COL4A1: variants seen among roughly 807,000 people sequenced by gnomAD.
The protein encoded by COL4A1 is collagen alpha-1(IV) chain.
Under a neutral mutation model 216.6 loss-of-function variants are expected in COL4A1, and 40 were observed. That is an observed-to-expected ratio of 0.18 (90% CI 0.14 to 0.24). COL4A1 has a LOEUF of 0.24. COL4A1 is among the 10% of genes least tolerant of loss of function. The pLI is 1.00. For missense variants in COL4A1, 1,628 were observed against 2,196.8 expected (o/e 0.74, Z 5.18); for synonymous variants, 839 against 810.7 (o/e 1.03, Z -0.59).
At position 110,222,771 on chromosome 13, in the gene COL4A1, T is replaced by TAAAAAAAAAAAAAAAAAA. The variant is rs751501177; in HGVS notation, c.145-8757_145-8756insTTTTTTTTTTTTTTTTTT. Among the ~76,000 whole-genome samples, 22 of 93,412 alleles carry TAAAAAAAAAAAAAAAAAA rather than the reference T, an allele frequency of 2.4e-4. 4 individuals carry two copies. The highest frequency in any genetic ancestry group is 1.0e-3 in the East Asian group (3 of 2,940). 61.3% of individuals were successfully genotyped at this position (93,412 alleles called of 152,430 possible). ...CTGGGCGACAGAGCCAGACTCTGCTTTAAAAAAAAAAAAAAAAAAAAAAAA... is the reference window on the plus strand; with the variant it reads ...CTGGGCGACAGAGCCAGACTCTGCTTAAAAAAAAAAAAAAAAAATAAAAAAAAAAAAAAAAAAAAAAAA... On this transcript the variant is annotated intron_variant, in intron 2 of 51. Transcript: ENST00000375820.
intron 40 of COL4A1, 56 bp from the exon 41 acceptor site, chr13:110,172,826 G>C (rs773348176): frequency 4.5e-5 from 64 of 1,430,986 alleles, no homozygotes; most frequent in Non-Finnish European, 6.0e-5. Flanking sequence ...TCCATCTGCA[G>C]GTACAACACA....
rs779637271 is a variant in COL4A1, at chr13:110,170,685, T to G, written c.3604A>C (p.Ile1202Leu). The G allele has an allele frequency of 6.2e-7, 1 of 1,614,202 alleles. No homozygotes were observed. Among genetic ancestry groups the G allele is most frequent in the Non-Finnish European group, 8.5e-7 (1 of 1,180,032 alleles). The change falls in exon 42 of 52, where the codon ATT becomes CTT. Residue 1202 changes from isoleucine to leucine, a missense_variant. Coordinates refer to ENST00000375820, the MANE Select transcript of COL4A1 (RefSeq NM_001845.6). ...CCTTGCTCTCCTTTGGATCCAGGAA[T>G]TCCTGGGCTCCCGGCTAATCCTGGG... Reference protein sequence around the residue: ...GFPGLAGSPGIPGSKGEQGFM... With the variant: ...GFPGLAGSPGLPGSKGEQGFM...
At position 110,150,115 on chromosome 13, in the gene COL4A1, T is replaced by C. The variant is rs575054149; in HGVS notation, c.*248A>G. 4 of 537,606 alleles carry C rather than the reference T, an allele frequency of 7.4e-6. No homozygotes were observed. Among genetic ancestry groups the C allele is most frequent in the East Asian group, 6.8e-5 (2 of 29,576 alleles). The allele number at this position is 537,606 out of a possible 1,614,324, so 33.3% of individuals were successfully genotyped here. ...TCAGTGCATTGGATTGCAGAAAATA[T>C]TGATATTTTATTTCATCAAAAGTGC... On this transcript the variant is annotated 3_prime_UTR_variant, in exon 52 of 52. Transcript: ENST00000375820.
intron 41 of COL4A1, among the ~76,000 whole-genome samples, chr13:110,172,511 G>A: frequency 6.6e-6 from 1 of 152,226 alleles, no homozygotes; most frequent in East Asian, 1.9e-4. Context: ...TTCTGATCAT[G>A]AGTGTACTGC....
chr13:110,177,322 A>G (rs1877932956), intron 33 of COL4A1, among the ~76,000 whole-genome samples: 1 of 152,210 alleles, frequency 6.6e-6, no homozygotes, highest in South Asian at 2.1e-4. Flanking sequence ...TCCTTCCTAC[A>G]TATCTTTATC....
intron 26 of COL4A1, 69 bp from the exon 27 acceptor site, chr13:110,183,345 G>T (rs998700956): frequency 6.9e-7 from 1 of 1,456,486 alleles, no homozygotes; most frequent in Non-Finnish European, 9.5e-7. Context: ...GGGAGGACAC[G>T]CAGTGGGTGG....
At chr13:110,181,475 G>T in intron 28 of COL4A1, 86 bp from the exon 29 acceptor site, 1 of 1,293,320 alleles carries the variant, frequency 7.7e-7, no homozygotes, top group Non-Finnish European at 1.1e-6. Flanking sequence ...TTTTAGTCTT[G>T]CCCAGAGATG....
intron 2 of COL4A1, among the ~76,000 whole-genome samples, chr13:110,232,210 T>C (rs1049732338): frequency 6.6e-6 from 1 of 152,212 alleles, no homozygotes; most frequent in Non-Finnish European, 1.5e-5. Flanking sequence ...AAGTATACTT[T>C]TACCATGTTT....
In COL4A1 at chr13:110,211,983, C is replaced by T. The variant is rs999654138; in HGVS notation, c.388-61G>A. On this transcript the variant is annotated intron_variant, in intron 6 of 51. Transcript: ENST00000375820. This position sits in a 1 kb window ranked among gnomAD's most constrained non-coding sequence, Gnocchi z 4.3. The stretch of plus-strand genomic sequence containing the variant: ...TGTGTGGCAGACACATCAGCCCTGA[C>T]ATCGCATGCATCACTCTGCCCTACC... 6.9e-7 allele frequency: 1 copy of T among 1,439,896 alleles called. No individual in the cohort carries two copies. Among genetic ancestry groups the T allele is most frequent in the Non-Finnish European group, 9.8e-7 (1 of 1,021,180 alleles). The allele number at this position is 1,439,896 out of a possible 1,614,324, so 89.2% of individuals were successfully genotyped here. A position where few individuals can be genotyped will look rare whatever the true frequency, so the allele number is the denominator to read the frequency against.
At position 110,183,109 on chromosome 13, in the gene COL4A1, A is replaced by C. The variant is rs1878249958; in HGVS notation, c.1991-12T>G. The C allele has an allele frequency of 6.2e-7, 1 of 1,612,698 alleles. No homozygotes were observed. Among genetic ancestry groups the C allele is most frequent in the South Asian group, 1.1e-5 (1 of 90,716 alleles). ...AAAGCCTCGGTCTCCTGTGGTGAGA[A>C]AGACCAACAGTCAGCGTGAGAAAAA... On this transcript the variant is annotated splice_polypyrimidine_tract_variant and intron_variant, in intron 27 of 51. Transcript: ENST00000375820.
At chr13:110,306,857 G>T in intron 1 of COL4A1, 87 bp downstream of exon 1, 1 of 1,249,750 alleles carries the variant, frequency 8.0e-7, no homozygotes, top group Non-Finnish European at 1.0e-6. Flanking sequence ...AGGGGCAGGC[G>T]GACGGGTCCA....
At chr13:110,206,327 A>G (rs546367763) in intron 15 of COL4A1, among the ~76,000 whole-genome samples, 140 of 152,352 alleles carry the variant, frequency 9.2e-4, no homozygotes, top group Middle Eastern at 3.4e-3. Context: ...CTGTGCAAAC[A>G]CTGTCTGGTG....
At position 110,307,029 on chromosome 13, in the gene COL4A1, G is replaced by A. The variant is rs1221508149; in HGVS notation, c.-2C>T. ...CCAGACGCTGAGCCGGGGCCCCATG[G>A]TGGCGCGCCCGAGGCGGCGAGGGAC... is the stretch of plus-strand genomic sequence containing the variant. On this transcript the variant is annotated 5_prime_UTR_variant, in exon 1 of 52. Transcript: ENST00000375820. This position sits in a 1 kb window ranked among gnomAD's most constrained non-coding sequence, Gnocchi z 5.0. 1 of 1,461,302 alleles carries A rather than the reference G, an allele frequency of 6.8e-7. No homozygotes were observed. The highest frequency in any genetic ancestry group is 9.0e-7 in the Non-Finnish European group (1 of 1,111,644). The allele number at this position is 1,461,302 out of a possible 1,614,324, so 90.5% of individuals were successfully genotyped here. A position where few individuals can be genotyped will look rare whatever the true frequency, so the allele number is the denominator to read the frequency against.
Position 110,152,436 on chromosome 13 carries a change from C to T in COL4A1, c.4826G>A (p.Arg1609Lys). The T allele has an allele frequency of 6.2e-7, 1 of 1,614,186 alleles. No individual in the cohort carries two copies. The highest frequency in any genetic ancestry group is 8.5e-7 in the Non-Finnish European group (1 of 1,180,046). The change falls in exon 51 of 52, where the codon AGA becomes AAA. Residue 1609 changes from arginine to lysine, a missense_variant. Arg to Lys is a conservative substitution (Grantham distance 26, BLOSUM62 2). Around this residue, in one of 8 missense-constraint regions of COL4A1, gnomAD observed 254 missense variants for 300.1 expected, o/e 0.85. Coordinates refer to ENST00000375820, the MANE Select transcript of COL4A1 (RefSeq NM_001845.6). The stretch of plus-strand genomic sequence containing the variant: ...GTGACACTCGATGAATGGCGCACTT[C>T]TAAACTCCTCCAGGCAGGAGCCGGG... ...ASPGSCLEEF[R>K]SAPFIECHGR...
chr13:110,264,502 G>T (rs1882949281), intron 1 of COL4A1, among the ~76,000 whole-genome samples: 1 of 152,132 alleles, frequency 6.6e-6, no homozygotes, highest in Non-Finnish European at 1.5e-5. Flanking sequence ...AAAAAGGAGG[G>T]AAGGAGAGGA....
intron 21 of COL4A1, among the ~76,000 whole-genome samples, chr13:110,196,114 C>T (rs1878876484): frequency 6.6e-6 from 1 of 152,248 alleles, no homozygotes; most frequent in South Asian, 2.1e-4. Flanking sequence ...GTTTAGAGCT[C>T]AGCAGAACAA....
intron 1 of COL4A1, among the ~76,000 whole-genome samples, chr13:110,275,404 T>C (rs1467531593): frequency 2.0e-5 from 3 of 152,156 alleles, no homozygotes; most frequent in Non-Finnish European, 4.4e-5. Flanking sequence ...GTGACAATAC[T>C]AAGTGCCGGT....
chr13:110,245,742 A>G (rs1273262173), intron 1 of COL4A1, among the ~76,000 whole-genome samples: 1 of 152,212 alleles, frequency 6.6e-6, no homozygotes, highest in East Asian at 1.9e-4. Context: ...AAGAGGCTGC[A>G]AGGCTGTGAC....
At chr13:110,275,413 G>A (rs1883392029) in intron 1 of COL4A1, among the ~76,000 whole-genome samples, 2 of 152,194 alleles carry the variant, frequency 1.3e-5, no homozygotes, top group Admixed American at 6.5e-5. Context: ...CTAAGTGCCG[G>A]TGAGGGTGTG....
Sources: gnomAD v4.1 joint callset for allele counts (sites outside exome capture counted in the v4.1 genomes callset) on GRCh38, gnomAD v4.1.1 for gene constraint, gnomAD v4.1.1 regional missense constraint, Gnocchi (gnomAD v3.1) non-coding constraint, MANE v1.5 for transcripts, NCBI Gene and HGNC (gene_info 2026-07-23, HGNC 2026-07-21) for gene names.